CTNNA2: variants seen among roughly 807,000 people sequenced by gnomAD.
CTNNA2 encodes catenin alpha 2.
In CTNNA2, 42 loss-of-function variants were observed where a neutral mutation model predicts 101.0. The observed-to-expected ratio is 0.42, with a 90% CI of 0.32 to 0.54. CTNNA2 has a LOEUF of 0.54. Among genes scored for constraint, CTNNA2 ranks in the 20% least tolerant of loss-of-function variants. The probability of loss-of-function intolerance (pLI) is 0.14; values close to 1 mark genes in which losing one functional copy is unlikely to be tolerated. For synonymous variants in CTNNA2, 450 were observed against 456.4 expected (o/e 0.99, Z 0.18); for missense variants, 871 against 1,223.1 (o/e 0.71, Z 4.29).
intron 9 of CTNNA2, among the ~76,000 whole-genome samples, chr2:80,484,206 T>C (rs1363105823): frequency 6.6e-6 from 1 of 152,176 alleles, no homozygotes; most frequent in African/African-American, 2.4e-5. Context: ...TGTGGAATTC[T>C]GAATGCGCTT....
At chr2:80,007,292 T>C (rs1286252678) in intron 7 of CTNNA2, among the ~76,000 whole-genome samples, 2 of 152,282 alleles carry the variant, frequency 1.3e-5, no homozygotes, top group South Asian at 4.1e-4. Flanking sequence ...TAATTGTAAA[T>C]GAACTCAAGT....
intron 4 of CTNNA2, among the ~76,000 whole-genome samples, chr2:79,474,258 G>A (rs1671029471): frequency 1.3e-5 from 2 of 152,142 alleles, no homozygotes; most frequent in Admixed American, 1.3e-4. Flanking sequence ...AAATGTCCCT[G>A]AACTGGGGAA....
intron 8 of CTNNA2, among the ~76,000 whole-genome samples, chr2:80,413,009 A>G (rs1679722850): frequency 6.6e-6 from 1 of 152,186 alleles, no homozygotes; most frequent in African/African-American, 2.4e-5. Context: ...GTTACATGGC[A>G]ATGGTATGGA....
intron 7 of CTNNA2, 114 bp from the exon 8 acceptor site, chr2:80,393,097 C>G: frequency 2.7e-6 from 2 of 738,056 alleles, no homozygotes; most frequent in East Asian, 2.9e-5. Flanking sequence ...TGAAAATAAT[C>G]TTTTTAAAAA....
intron 7 of CTNNA2, among the ~76,000 whole-genome samples, chr2:80,293,692 G>A (rs942593011): frequency 6.6e-6 from 1 of 152,126 alleles, no homozygotes; most frequent in Admixed American, 6.5e-5. Flanking sequence ...AATCCCCGGA[G>A]TAGAATTATC....
chr2:80,368,847 A>ATGTGTG (rs538992921), intron 7 of CTNNA2, among the ~76,000 whole-genome samples: 3,062 of 134,594 alleles, frequency 0.023, 45 homozygotes, highest in Middle Eastern at 0.049. Flanking sequence ...GTGTGTATAT[A>ATGTGTG]TGTGTGTGTG....
chr2:80,238,789 T>C (rs950686063), intron 7 of CTNNA2, among the ~76,000 whole-genome samples: 3 of 152,108 alleles, frequency 2.0e-5, no homozygotes, highest in Non-Finnish European at 4.4e-5. Flanking sequence ...CCACAGGACA[T>C]CAACACGGTA....
At chr2:80,296,795 T>C (rs907752127) in intron 7 of CTNNA2, among the ~76,000 whole-genome samples, 2 of 152,132 alleles carry the variant, frequency 1.3e-5, no homozygotes, top group Non-Finnish European at 2.9e-5. Context: ...TCCAGACATC[T>C]ACCTACTGGA....
chr2:79,592,331 C>T (rs1306973112), intron 1 of CTNNA2, among the ~76,000 whole-genome samples: 1 of 151,920 alleles, frequency 6.6e-6, no homozygotes, highest in African/African-American at 2.4e-5. Flanking sequence ...GGGGTTTCAC[C>T]ATGTTGACCA....
At chr2:79,492,932 C>T (rs1035700803) in intron 4 of CTNNA2, among the ~76,000 whole-genome samples, 3 of 152,090 alleles carry the variant, frequency 2.0e-5, no homozygotes, top group African/African-American at 7.2e-5. Context: ...TGTAACCCAC[C>T]ATATCAATAG....
At chr2:80,444,144 G>A (rs939429027) in intron 9 of CTNNA2, among the ~76,000 whole-genome samples, 1 of 152,064 alleles carries the variant, frequency 6.6e-6, no homozygotes, top group Non-Finnish European at 1.5e-5. Context: ...AGATCAAATG[G>A]GCTCTGAGTT....
At chr2:79,439,787 T>C (rs1678757607) in intron 4 of CTNNA2, among the ~76,000 whole-genome samples, 1 of 152,100 alleles carries the variant, frequency 6.6e-6, no homozygotes, top group Non-Finnish European at 1.5e-5. Flanking sequence ...ATTTTCTGAC[T>C]GCACCCCAGA....
intron 7 of CTNNA2, among the ~76,000 whole-genome samples, chr2:80,240,644 C>T (rs995856215): frequency 2.0e-5 from 3 of 152,130 alleles, no homozygotes; most frequent in African/African-American, 7.2e-5. Context: ...AAAATTCTCT[C>T]TGTTACATGA....
intron 7 of CTNNA2, among the ~76,000 whole-genome samples, chr2:80,147,832 C>G (rs747419604): frequency 4.1e-4 from 61 of 149,994 alleles, no homozygotes; most frequent in Non-Finnish European, 7.0e-4. Context: ...TACTGTGGTT[C>G]CTTAGAGAAA....
intron 1 of CTNNA2, among the ~76,000 whole-genome samples, chr2:79,648,774 C>T (rs1252465884): frequency 6.6e-6 from 1 of 152,154 alleles, no homozygotes; most frequent in Admixed American, 6.5e-5. Context: ...GGTTAGTAAA[C>T]TAAATGGTGA....
chr2:80,158,755 C>T (rs1303127092), intron 7 of CTNNA2, among the ~76,000 whole-genome samples: 3 of 151,914 alleles, frequency 2.0e-5, no homozygotes, highest in African/African-American at 7.3e-5. Flanking sequence ...ACTGAAAATA[C>T]AAAAAATTAG....
At position 79,879,866 on chromosome 2, in the gene CTNNA2, G is replaced by A. The variant is rs184632812; in HGVS notation, c.852+5524G>A. 1.3e-3 allele frequency among the ~76,000 whole-genome samples: 201 copies of A among 152,256 alleles called. 3 individuals carry two copies. In the South Asian group the frequency reaches 0.041, roughly 31 times the overall value. On this transcript the variant is annotated intron_variant, in intron 6 of 18. Coordinates refer to ENST00000402739, the MANE Select transcript of CTNNA2 (RefSeq NM_001282597.3). ...ATTTCTAATACTATATTGAACAGGA[G>A]TGGTGAGAGAGGGCAGTTTTGTTAT...
chr2:79,786,916 C>T (rs773462157), intron 3 of CTNNA2, among the ~76,000 whole-genome samples: 28 of 152,030 alleles, frequency 1.8e-4, no homozygotes, highest in Non-Finnish European at 3.5e-4. Context: ...ACTTTAAATG[C>T]CCATTTTTGT....
chr2:80,561,891 A>T (rs1296836824), intron 12 of CTNNA2, among the ~76,000 whole-genome samples: 1 of 140,868 alleles, frequency 7.1e-6, no homozygotes, highest in Admixed American at 7.5e-5. Flanking sequence ...GGCCAGGCTG[A>T]TCTCAAACCC....
Sources: gnomAD v4.1 joint callset for allele counts (sites outside exome capture counted in the v4.1 genomes callset) on GRCh38, gnomAD v4.1.1 for gene constraint, MANE v1.5 for transcripts, NCBI Gene and HGNC (gene_info 2026-07-23, HGNC 2026-07-21) for gene names.